The following NTM variants were observed in gnomAD, a reference collection of about 807,000 sequenced individuals.
NTM encodes neurotrimin, also known as IgLON family member 2.
Under a neutral mutation model 42.1 loss-of-function variants are expected in NTM, and 13 were observed. That is an observed-to-expected ratio of 0.31 (90% CI 0.20 to 0.49). The LOEUF (loss-of-function observed/expected upper bound fraction) is 0.49. Ranked by LOEUF, NTM falls within the 20% of genes least tolerant of loss-of-function variation. The pLI, the probability that NTM is intolerant of heterozygous loss-of-function variation, is 0.99. For synonymous variants in NTM, 187 were observed against 179.2 expected (o/e 1.04, Z -0.35); for missense variants, 373 against 452.8 (o/e 0.82, Z 1.60).
At chr11:131,750,639 C>G (rs1028598442) in intron 1 of NTM, among the ~76,000 whole-genome samples, 1 of 152,126 alleles carries the variant, frequency 6.6e-6, no homozygotes, top group Non-Finnish European at 1.5e-5. Context: ...TTTTCATTTC[C>G]GCTTTCCACC....
At chr11:131,921,652 C>G (rs2057240810) in intron 2 of NTM, among the ~76,000 whole-genome samples, 1 of 152,078 alleles carries the variant, frequency 6.6e-6, no homozygotes, top group Non-Finnish European at 1.5e-5. Context: ...CGTAGATAGG[C>G]CTGGTTAGAT....
intron 3 of NTM, among the ~76,000 whole-genome samples, chr11:132,162,202 G>GTGTATGTGGGT (rs1234011780): frequency 3.2e-5 from 2 of 62,100 alleles, no homozygotes; most frequent in African/African-American, 2.1e-4. Flanking sequence ...TGTATGTGGG[G>GTGTATGTGGGT]GAAGATGTGT....
intron 1 of NTM, among the ~76,000 whole-genome samples, chr11:131,546,300 C>T (rs1009323251): frequency 6.6e-5 from 10 of 152,142 alleles, no homozygotes; most frequent in African/African-American, 2.4e-4. Flanking sequence ...CAAAATAACC[C>T]TGGATTGATT....
intron 1 of NTM, among the ~76,000 whole-genome samples, chr11:131,705,373 G>A (rs967768427): frequency 5.3e-5 from 8 of 152,060 alleles, no homozygotes; most frequent in Non-Finnish European, 8.8e-5. Context: ...ACTTCACTCG[G>A]CAAAGCTATC....
At chr11:131,510,394 T>C (rs748796067) in intron 1 of NTM, among the ~76,000 whole-genome samples, 3 of 152,146 alleles carry the variant, frequency 2.0e-5, no homozygotes, top group Non-Finnish European at 4.4e-5. Context: ...GTCTGTGTTT[T>C]CTCAGCATAG....
At chr11:131,579,692 A>T (rs549281467) in intron 1 of NTM, among the ~76,000 whole-genome samples, 2 of 152,358 alleles carry the variant, frequency 1.3e-5, no homozygotes, top group South Asian at 4.1e-4. Flanking sequence ...TGGAAGCTCC[A>T]GGAAGAGAAC....
At chr11:131,658,597 A>G (rs1459675081) in intron 1 of NTM, among the ~76,000 whole-genome samples, 3 of 152,182 alleles carry the variant, frequency 2.0e-5, no homozygotes, top group Non-Finnish European at 4.4e-5. Context: ...TCCTCCCCCG[A>G]CTTAGAGGTT....
chr11:131,614,103 T>C (rs1592230268), intron 1 of NTM, among the ~76,000 whole-genome samples: 1 of 152,142 alleles, frequency 6.6e-6, no homozygotes, highest in African/African-American at 2.4e-5. Context: ...CAAGGTTCAC[T>C]GAGATCTGGG....
chr11:131,533,848 A>G (rs939232250), intron 1 of NTM: 1 of 152,262 alleles, frequency 6.6e-6, no homozygotes, highest in African/African-American at 2.4e-5. Context: ...ACAAAAGCCA[A>G]TGATATCTAA....
At chr11:132,182,448 T>C (rs145544614) in intron 3 of NTM, among the ~76,000 whole-genome samples, 35 of 152,318 alleles carry the variant, frequency 2.3e-4, no homozygotes, top group African/African-American at 8.4e-4. Context: ...CTACGTGTCA[T>C]GTATAAAATC....
intron 2 of NTM, among the ~76,000 whole-genome samples, chr11:132,113,313 C>T (rs1408653847): frequency 2.6e-5 from 4 of 152,188 alleles, no homozygotes; most frequent in African/African-American, 4.8e-5. Flanking sequence ...TTGTAATGAA[C>T]GCCTCTGTGA....
intron 4 of NTM, among the ~76,000 whole-genome samples, chr11:132,303,748 AATC>A (rs1285461987): frequency 2.0e-5 from 3 of 150,940 alleles, no homozygotes; most frequent in African/African-American, 4.9e-5. Flanking sequence ...GTGAAGAACA[AATC>A]ATCATGTTGG....
intron 2 of NTM, among the ~76,000 whole-genome samples, chr11:132,113,585 T>C (rs771536841): frequency 2.6e-5 from 4 of 152,134 alleles, no homozygotes; most frequent in Admixed American, 6.5e-5. Context: ...TGAGCTCTGA[T>C]TGAAATGCCT....
At position 132,279,902 on chromosome 11, in the gene NTM, T is replaced by C. The variant is rs533213707; in HGVS notation, c.527-27787T>C. ...CTGTGGGCTGTCCATCTCTTAATGG[T>C]GAGGACTGCCTCAGTAATCATCCAT... On this transcript the variant is annotated intron_variant, in intron 4 of 8. Coordinates refer to ENST00000683400, the MANE Select transcript of NTM (RefSeq NM_001352005.2). Among the ~76,000 whole-genome samples the C allele has an allele frequency of 5.3e-5, 8 of 152,350 alleles. No individual in the cohort carries two copies. The East Asian group carries it at 1.4e-3, about 26-fold the overall frequency.
At chr11:132,105,370 C>A (rs1277261837) in intron 2 of NTM, among the ~76,000 whole-genome samples, 2 of 151,970 alleles carry the variant, frequency 1.3e-5, no homozygotes, top group African/African-American at 4.8e-5. Context: ...TATAGTAGTA[C>A]TGTTAGCTCA....
At chr11:131,879,386 T>TATGGA (rs1338092071) in intron 1 of NTM, among the ~76,000 whole-genome samples, 2 of 152,276 alleles carry the variant, frequency 1.3e-5, no homozygotes, top group East Asian at 3.9e-4. Flanking sequence ...TTTTCCACTG[T>TATGGA]ATGGACAACT....
intron 1 of NTM, chr11:131,660,168 C>T (rs954024851): frequency 1.0e-4 from 21 of 210,246 alleles, no homozygotes; most frequent in Non-Finnish European, 1.8e-4. Flanking sequence ...TCAGGGTTCT[C>T]AAAGTGTCCC....
chr11:131,912,970 C>A (rs2055509747), intron 2 of NTM, among the ~76,000 whole-genome samples: 1 of 152,142 alleles, frequency 6.6e-6, no homozygotes, highest in Non-Finnish European at 1.5e-5. Context: ...ATCCAGTGAT[C>A]CTTTGTCTAG....
intron 1 of NTM, among the ~76,000 whole-genome samples, chr11:131,888,295 G>A (rs150976215): frequency 6.6e-6 from 1 of 151,810 alleles, no homozygotes; most frequent in East Asian, 1.9e-4. Context: ...AGTGAGACTC[G>A]ATCTCAAAAA....
Sources: allele counts gnomAD v4.1 joint callset (sites outside exome capture counted in the v4.1 genomes callset), GRCh38; gene constraint gnomAD v4.1.1; transcripts MANE v1.5; gene names NCBI Gene and HGNC (gene_info 2026-07-23, HGNC 2026-07-21).